FCHSD2: variants seen among roughly 807,000 people sequenced by gnomAD.
FCHSD2 encodes F-BAR and double SH3 domains protein 2.
In FCHSD2, 38 loss-of-function variants were observed where a neutral mutation model predicts 108.1. The ratio of observed to expected loss-of-function variants is 0.35; its 90% CI spans 0.27 to 0.46. The LOEUF (loss-of-function observed/expected upper bound fraction) is 0.46. Ranked by LOEUF, FCHSD2 falls within the 20% of genes least tolerant of loss-of-function variation. The pLI, the probability that FCHSD2 is intolerant of heterozygous loss-of-function variation, is 1.00. For missense variants in FCHSD2, 751 were observed against 897.8 expected (o/e 0.84, Z 2.09); for synonymous variants, 279 against 314.7 (o/e 0.89, Z 1.20).
chr11:72,877,761 C>T (rs1854999949), intron 12 of FCHSD2, among the ~76,000 whole-genome samples: 2 of 151,816 alleles, frequency 1.3e-5, no homozygotes, highest in African/African-American at 4.8e-5. Flanking sequence ...AATCTCAACA[C>T]TTTGGAGGCT....
chr11:72,976,131 T>C (rs1423928999), intron 8 of FCHSD2, among the ~76,000 whole-genome samples: 1 of 152,202 alleles, frequency 6.6e-6, no homozygotes. Context: ...TTTGTTTGTT[T>C]GTTTTAGTTT....
At chr11:73,094,494 CAA>C (rs1219224197) in intron 2 of FCHSD2, among the ~76,000 whole-genome samples, 1 of 152,056 alleles carries the variant, frequency 6.6e-6, no homozygotes, top group African/African-American at 2.4e-5. Flanking sequence ...CATAAATAGC[CAA>C]AAACAGTCCA....
intron 10 of FCHSD2, chr11:72,900,207 G>A: frequency 7.6e-7 from 1 of 1,317,770 alleles, no homozygotes; most frequent in Non-Finnish European, 1.1e-6. Context: ...TCATTAACAT[G>A]CAAACCCACA....
At chr11:73,057,616 T>C (rs901549568) in intron 3 of FCHSD2, among the ~76,000 whole-genome samples, 13 of 152,150 alleles carry the variant, frequency 8.5e-5, no homozygotes, top group Admixed American at 6.5e-4. Context: ...ATCAGGACTA[T>C]TCCATTAGGC....
chr11:72,849,711 G>A (rs778745583), intron 14 of FCHSD2, 44 bp downstream of exon 14: 6 of 1,474,602 alleles, frequency 4.1e-6, no homozygotes, highest in Non-Finnish European at 5.7e-6. Context: ...TGTATCTTCA[G>A]AGTTAATCAG....
chr11:72,870,038 C>T (rs942097972), intron 12 of FCHSD2, among the ~76,000 whole-genome samples: 1 of 152,180 alleles, frequency 6.6e-6, no homozygotes, highest in African/African-American at 2.4e-5. Context: ...GTCCCACTTG[C>T]TGTTCCTCTG....
chr11:72,838,174 A>G lies in FCHSD2; in HGVS notation c.*617T>C, dbSNP rs748484166. 28 of 152,458 alleles carry G rather than the reference A, an allele frequency of 1.8e-4. No individual in the cohort carries two copies. Among genetic ancestry groups the G allele is most frequent in the Non-Finnish European group, 3.5e-4 (24 of 68,272 alleles). 9.4% of individuals were successfully genotyped at this position (152,458 alleles called of 1,614,324 possible). The stretch of plus-strand genomic sequence containing the variant: ...AGATATTAATACGAAGGACACTGTT[A>G]TTTTAAGTCTGTTAGTTGTGGAAGA... On this transcript the variant is annotated 3_prime_UTR_variant, in exon 20 of 20. Coordinates refer to ENST00000409418, the MANE Select transcript of FCHSD2 (RefSeq NM_014824.3).
intron 8 of FCHSD2, among the ~76,000 whole-genome samples, chr11:72,940,248 T>G (rs1259789161): frequency 1.3e-5 from 2 of 152,178 alleles, no homozygotes; most frequent in African/African-American, 4.8e-5. Context: ...GGGCTTTGTG[T>G]GTTTATATTA....
At chr11:72,923,131 C>A (rs1457268009) in intron 8 of FCHSD2, among the ~76,000 whole-genome samples, 3 of 152,080 alleles carry the variant, frequency 2.0e-5, no homozygotes, top group African/African-American at 7.2e-5. Context: ...CTTTTTACAG[C>A]TTAATAATAT....
intron 2 of FCHSD2, among the ~76,000 whole-genome samples, chr11:73,107,485 G>C (rs929926538): frequency 6.6e-6 from 1 of 152,030 alleles, no homozygotes; most frequent in South Asian, 2.1e-4. Flanking sequence ...AAGCATTTAC[G>C]CTTTGTGTTA....
intron 3 of FCHSD2, among the ~76,000 whole-genome samples, chr11:73,081,720 A>G (rs1338270294): frequency 6.6e-6 from 1 of 151,980 alleles, no homozygotes; most frequent in East Asian, 1.9e-4. Flanking sequence ...CTTTCATCTC[A>G]ATTTTATAAA....
chr11:73,135,318 A>G (rs1398131579), intron 2 of FCHSD2, among the ~76,000 whole-genome samples: 1 of 152,192 alleles, frequency 6.6e-6, no homozygotes, highest in Non-Finnish European at 1.5e-5. Flanking sequence ...AATTCACTTC[A>G]TTTCACTGTG....
intron 10 of FCHSD2, among the ~76,000 whole-genome samples, chr11:72,899,336 T>A (rs1395114337): frequency 6.6e-6 from 1 of 152,146 alleles, no homozygotes; most frequent in Non-Finnish European, 1.5e-5. Flanking sequence ...AAACAAGGTT[T>A]GAATAGACAT....
chr11:72,920,195 T>A (rs1855951807), intron 9 of FCHSD2, among the ~76,000 whole-genome samples: 1 of 152,188 alleles, frequency 6.6e-6, no homozygotes, highest in African/African-American at 2.4e-5. Flanking sequence ...TATCTGGTTC[T>A]TGGCAAAGAT....
At chr11:73,021,257 C>A (rs1202600175) in intron 3 of FCHSD2, among the ~76,000 whole-genome samples, 2 of 150,578 alleles carry the variant, frequency 1.3e-5, no homozygotes, top group African/African-American at 4.9e-5. Flanking sequence ...AACAGGCACA[C>A]ATACGTTCAC....
At chr11:73,011,961 G>A (rs1394975268) in intron 4 of FCHSD2, among the ~76,000 whole-genome samples, 1 of 152,096 alleles carries the variant, frequency 6.6e-6, no homozygotes, top group Non-Finnish European at 1.5e-5. Flanking sequence ...CCACCTTGAA[G>A]ACCCTCCCTC....
At chr11:73,083,804 A>C in intron 2 of FCHSD2, 64 bp from the exon 3 acceptor site, 1 of 1,016,240 alleles carries the variant, frequency 9.8e-7, no homozygotes, top group Non-Finnish European at 1.5e-6. Flanking sequence ...TAAATCTATC[A>C]ACACACCTTC....
At chr11:72,901,233 G>T (rs1855519182) in intron 10 of FCHSD2, among the ~76,000 whole-genome samples, 1 of 151,736 alleles carries the variant, frequency 6.6e-6, no homozygotes, top group African/African-American at 2.4e-5. Flanking sequence ...CATCTCTATT[G>T]AAAATACAAA....
At chr11:72,978,539 C>T (rs1857151439) in intron 8 of FCHSD2, among the ~76,000 whole-genome samples, 1 of 152,032 alleles carries the variant, frequency 6.6e-6, no homozygotes, top group Non-Finnish European at 1.5e-5. Context: ...GCTCTGTGTC[C>T]CCACTCAAAT....
Sources: gnomAD v4.1 joint callset for allele counts (sites outside exome capture counted in the v4.1 genomes callset) on GRCh38, gnomAD v4.1.1 for gene constraint, MANE v1.5 for transcripts, NCBI Gene and HGNC (gene_info 2026-07-23, HGNC 2026-07-21) for gene names.